The following ABCB4 variants were observed in gnomAD, a reference collection of about 807,000 sequenced individuals.
ABCB4 encodes the protein phosphatidylcholine translocator ABCB4.
Under a neutral mutation model 145.7 loss-of-function variants are expected in ABCB4, and 76 were observed. The observed-to-expected ratio is 0.52, with a 90% confidence interval of 0.43 to 0.63. The LOEUF is 0.63. ABCB4 is among the 30% of genes least tolerant of loss of function. The pLI, the probability that ABCB4 is intolerant of heterozygous loss-of-function variation, is 0.00. For missense variants in ABCB4, 1,234 were observed against 1,553.1 expected (o/e 0.79, Z 3.45); for synonymous variants, 517 against 566.8 (o/e 0.91, Z 1.25).
intron 6 of ABCB4, chr7:87,452,483 A>G (rs547198815): frequency 3.1e-4 from 56 of 179,916 alleles, no homozygotes; most frequent in Admixed American, 7.8e-4. Flanking sequence ...TGTAAGCACC[A>G]AAAGGACAGA....
At chr7:87,376,492 C>T in the ABCB4 span, among the ~76,000 whole-genome samples, 1 of 151,576 alleles carries the variant, frequency 6.6e-6, no homozygotes, top group African/African-American at 2.4e-5. Flanking sequence ...CATTTGTGTC[C>T]CAGGAAATAA....
At chr7:87,382,919 A>C in the ABCB4 span, among the ~76,000 whole-genome samples, 1 of 152,220 alleles carries the variant, frequency 6.6e-6, no homozygotes, top group Non-Finnish European at 1.5e-5. Flanking sequence ...AGCGACATTA[A>C]TTTTGTGACT....
In ABCB4 at chr7:87,422,101, G is replaced by A. The variant is rs765584135; in HGVS notation, c.2316+20C>T. The A allele has an allele frequency of 1.3e-5, 19 of 1,513,438 alleles. No individual in the cohort carries two copies. The African/African-American group carries it at 2.2e-4, about 18-fold the overall frequency. The allele number at this position is 1,513,438 out of a possible 1,614,324, so 93.8% of individuals were successfully genotyped here. ...ATTAAATTATAAACTTGATGAGAAA[G>A]GCAAATCATGGGTACCTACCTGAAG... On this transcript the variant is annotated intron_variant, in intron 18 of 27. Transcript: ENST00000649586.
chr7:87,454,471 ACT>A (rs1811980139), intron 5 of ABCB4, 62 bp downstream of exon 5: 2 of 1,272,592 alleles, frequency 1.6e-6, no homozygotes, highest in Non-Finnish European at 2.3e-6. Context: ...TATTCTTATA[ACT>A]CTGTAATTGG....
chr7:87,465,684 C>A (rs1248043485), intron 3 of ABCB4, among the ~76,000 whole-genome samples: 1 of 152,122 alleles, frequency 6.6e-6, no homozygotes, highest in Non-Finnish European at 1.5e-5. Context: ...CATGGCCGGG[C>A]AGCCCTCTGA....
intron 4 of ABCB4, among the ~76,000 whole-genome samples, chr7:87,458,732 C>T (rs1334360348): frequency 6.6e-6 from 1 of 152,154 alleles, no homozygotes; most frequent in East Asian, 1.9e-4. Context: ...ATTTGAGGAA[C>T]TTTCCATCTA....
the ABCB4 span, among the ~76,000 whole-genome samples, chr7:87,367,208 A>C: frequency 6.6e-6 from 1 of 152,230 alleles, no homozygotes; most frequent in South Asian, 2.1e-4. Flanking sequence ...TATAATCACA[A>C]GGGTCCTTAT....
chr7:87,430,040 A>T (rs1167022618), intron 15 of ABCB4, among the ~76,000 whole-genome samples: 2 of 152,138 alleles, frequency 1.3e-5, no homozygotes, highest in Non-Finnish European at 2.9e-5. Flanking sequence ...TTCTAAACTT[A>T]TAGCAACCTC....
chr7:87,450,242 T>C (rs1480776446), intron 7 of ABCB4, 150 bp from the exon 8 acceptor site: 1 of 1,106,640 alleles, frequency 9.0e-7, no homozygotes. Context: ...CTGGATCCAA[T>C]GGCTGCGTCC....
chr7:87,403,531 T>C (rs949031270), intron 26 of ABCB4, among the ~76,000 whole-genome samples: 1 of 152,222 alleles, frequency 6.6e-6, no homozygotes, highest in Non-Finnish European at 1.5e-5. Context: ...ACAAATGCTA[T>C]AACGGATATA....
At chr7:87,415,432 C>T (rs1156918146) in intron 21 of ABCB4, among the ~76,000 whole-genome samples, 1 of 152,112 alleles carries the variant, frequency 6.6e-6, no homozygotes, top group East Asian at 1.9e-4. Flanking sequence ...TATGATTGAA[C>T]TGCTGATATT....
In ABCB4 at chr7:87,417,524, GA is replaced by G; in HGVS notation, c.2479-10del. The G allele has an allele frequency of 1.2e-6, 2 of 1,613,286 alleles. No homozygotes were observed. Among genetic ancestry groups the G allele is most frequent in the Non-Finnish European group, 1.7e-6 (2 of 1,179,330 alleles). On this transcript the variant is annotated splice_polypyrimidine_tract_variant and intron_variant, in intron 20 of 27. Transcript: ENST00000649586. The stretch of plus-strand genomic sequence containing the variant: ...AACCTGGTTCCTGTGGCCTGGGAGA[GA>G]AAAAGCACAAAGCAACTGTAGTTTT...
chr7:87,376,696 G>A, the ABCB4 span, among the ~76,000 whole-genome samples: 1 of 150,450 alleles, frequency 6.6e-6, no homozygotes, highest in South Asian at 2.1e-4. Context: ...TTAATGCAGT[G>A]TTGTTCAAAG....
intron 8 of ABCB4, among the ~76,000 whole-genome samples, chr7:87,448,097 G>A (rs1811463446): frequency 6.6e-6 from 1 of 151,868 alleles, no homozygotes; most frequent in Non-Finnish European, 1.5e-5. Context: ...AAAATATCTA[G>A]AATGATTCTG....
chr7:87,420,836 A>G (rs2116499326), intron 18 of ABCB4, among the ~76,000 whole-genome samples: 1 of 152,330 alleles, frequency 6.6e-6, no homozygotes, highest in East Asian at 1.9e-4. Context: ...AAAACTTTGA[A>G]GGACAACATC....
chr7:87,375,357 G>T, the ABCB4 span: 1 of 336,898 alleles, frequency 3.0e-6, no homozygotes, highest in South Asian at 4.1e-5. Context: ...AGAAGTGCAT[G>T]CACATTTCCA....
At chr7:87,391,426 T>C in the ABCB4 span, among the ~76,000 whole-genome samples, 1 of 152,188 alleles carries the variant, frequency 6.6e-6, no homozygotes. Context: ...TATTTTTTGC[T>C]CTTTGGTATT....
At chr7:87,401,530 T>A (rs1023573936), downstream of ABCB4, among the ~76,000 whole-genome samples, 2 of 152,202 alleles carry the variant, frequency 1.3e-5, no homozygotes, top group Non-Finnish European at 2.9e-5. Flanking sequence ...AAAAAATACT[T>A]AATGATAGGG....
chr7:87,413,797 A>T, intron 21 of ABCB4, 80 bp from the exon 22 acceptor site: 1 of 963,162 alleles, frequency 1.0e-6, no homozygotes, highest in Non-Finnish European at 1.7e-6. Flanking sequence ...GGGCTCTGTC[A>T]AAAGTATCCT....
Sources: gnomAD v4.1 joint callset for allele counts (sites outside exome capture counted in the v4.1 genomes callset) on GRCh38, gnomAD v4.1.1 for gene constraint, MANE v1.5 for transcripts, NCBI Gene and HGNC (gene_info 2026-07-23, HGNC 2026-07-21) for gene names.